The following SLC13A1 variants were observed in gnomAD, a reference collection of about 807,000 sequenced individuals.
SLC13A1 encodes Na(+)/sulfate cotransporter.
SLC13A1 carries 65 observed loss-of-function variants against 70.0 expected under a neutral mutation model. That is an observed-to-expected ratio of 0.93 (90% confidence interval 0.76 to 1.14). The LOEUF is 1.14. Among genes scored for constraint, SLC13A1 ranks in the 50% most tolerant of loss-of-function variants. The pLI, the probability that SLC13A1 is intolerant of heterozygous loss-of-function variation, is 0.00. For synonymous variants in SLC13A1, 275 were observed against 250.5 expected (o/e 1.10, Z -0.92); for missense variants, 726 against 717.8 (o/e 1.01, Z -0.13).
intron 10 of SLC13A1, among the ~76,000 whole-genome samples, chr7:123,126,695 A>G (rs1793573355): frequency 6.6e-6 from 1 of 152,084 alleles, no homozygotes; most frequent in South Asian, 2.1e-4. Context: ...GTATAGACAC[A>G]TTTTCTTTCA....
intron 6 of SLC13A1, among the ~76,000 whole-genome samples, chr7:123,163,679 C>A (rs1794984818): frequency 6.6e-6 from 1 of 152,024 alleles, no homozygotes; most frequent in South Asian, 2.1e-4. Context: ...CCAGTCTGAT[C>A]CATAGTGTTG....
intron 6 of SLC13A1, among the ~76,000 whole-genome samples, chr7:123,148,242 A>C (rs1399785699): frequency 6.6e-6 from 1 of 152,056 alleles, no homozygotes; most frequent in East Asian, 1.9e-4. Flanking sequence ...TAACATTTGC[A>C]CTCAGCACTT....
At chr7:123,123,035 G>T in intron 12 of SLC13A1, 91 bp downstream of exon 12, 1 of 1,036,068 alleles carries the variant, frequency 9.7e-7, no homozygotes, top group Non-Finnish European at 1.5e-6. Flanking sequence ...ATGACAGAGT[G>T]AAATTGAATA....
At chr7:123,183,286 C>T (rs1795696493) in intron 1 of SLC13A1, among the ~76,000 whole-genome samples, 1 of 152,096 alleles carries the variant, frequency 6.6e-6, no homozygotes, top group African/African-American at 2.4e-5. Context: ...TACAAATCAG[C>T]AGATTTAATG....
rs139926654 is a variant in SLC13A1 at position 123,181,540 on chromosome 7, T to C, written c.100-439A>G. 8.3e-3 allele frequency among the ~76,000 whole-genome samples: 1,267 copies of C among 152,188 alleles called. 19 individuals carry two copies. The highest frequency in any genetic ancestry group is 0.028 in the African/African-American group (1,176 of 41,528). On this transcript the variant is annotated intron_variant, in intron 1 of 14. Coordinates refer to ENST00000194130, the MANE Select transcript of SLC13A1 (RefSeq NM_022444.4). ...CCTTGGTGCCTGGTTGAGTGGGACCTAAGCACTCCTGCCTTCCTCTCCTTC... is the reference window on the plus strand; with the variant it reads ...CCTTGGTGCCTGGTTGAGTGGGACCCAAGCACTCCTGCCTTCCTCTCCTTC...
At chr7:123,132,092 G>A (rs142587357) in intron 8 of SLC13A1, among the ~76,000 whole-genome samples, 4 of 152,288 alleles carry the variant, frequency 2.6e-5, no homozygotes, top group African/African-American at 9.6e-5. Flanking sequence ...GGGGCACTTA[G>A]TATGCAGCTG....
chr7:123,128,752 T>G, intron 10 of SLC13A1, 93 bp downstream of exon 10: 1 of 762,578 alleles, frequency 1.3e-6, no homozygotes, highest in South Asian at 1.7e-5. Flanking sequence ...AAGAAAAATA[T>G]CTCATCCAAT....
At chr7:123,151,801 A>G (rs1476720623) in intron 6 of SLC13A1, among the ~76,000 whole-genome samples, 1 of 151,970 alleles carries the variant, frequency 6.6e-6, no homozygotes, top group Non-Finnish European at 1.5e-5. Context: ...CCTCCTCAAA[A>G]ACATTATCTT....
intron 8 of SLC13A1, 21 bp downstream of exon 8, chr7:123,134,389 T>A (rs1585308045): frequency 1.2e-6 from 2 of 1,609,596 alleles, no homozygotes; most frequent in Non-Finnish European, 8.5e-7. Context: ...TTTAGCCTAT[T>A]AACATGAAAT....
intron 2 of SLC13A1, among the ~76,000 whole-genome samples, chr7:123,176,123 G>A (rs1795438788): frequency 6.6e-6 from 1 of 152,188 alleles, no homozygotes; most frequent in South Asian, 2.1e-4. Context: ...CAGTTTGCCA[G>A]TTTTCTCAAT....
intron 1 of SLC13A1, among the ~76,000 whole-genome samples, chr7:123,182,563 A>G (rs1795672864): frequency 6.6e-6 from 1 of 152,286 alleles, no homozygotes; most frequent in Middle Eastern, 3.4e-3. Flanking sequence ...ACAGAAAGCC[A>G]GATACAGGTC....
intron 7 of SLC13A1, among the ~76,000 whole-genome samples, chr7:123,144,003 G>A (rs181520625): frequency 1.3e-5 from 2 of 152,302 alleles, no homozygotes; most frequent in Admixed American, 1.3e-4. Flanking sequence ...AAGATAAACA[G>A]AAGGCAAGAT....
chr7:123,138,922 G>A (rs1794041944), intron 7 of SLC13A1, among the ~76,000 whole-genome samples: 1 of 152,042 alleles, frequency 6.6e-6, no homozygotes, highest in Non-Finnish European at 1.5e-5. Flanking sequence ...TTAACTTGAT[G>A]TGATGCTATT....
chr7:123,150,745 T>TA (rs1405805913), intron 6 of SLC13A1, among the ~76,000 whole-genome samples: 12 of 152,074 alleles, frequency 7.9e-5, no homozygotes, highest in Admixed American at 7.2e-4. Flanking sequence ...CTCTTCTTTT[T>TA]ACTGAAAAAA....
At chr7:123,134,383 G>C (rs1346995757) in intron 8 of SLC13A1, 27 bp downstream of exon 8, 1 of 1,606,958 alleles carries the variant, frequency 6.2e-7, no homozygotes, top group East Asian at 2.2e-5. Context: ...CCTTTATTTA[G>C]CCTATTAACA....
rs1794380637 is a variant in SLC13A1, at chr7:123,147,151, T to C, written c.812+8A>G. 14 of 1,612,286 alleles carry C rather than the reference T, an allele frequency of 8.7e-6. No individual in the cohort carries two copies. The highest frequency in any genetic ancestry group is 1.2e-5 in the Non-Finnish European group (14 of 1,179,290). ...ATGTTAAATCACCAATCCAATAAGG[T>C]TACTTACGTATTGAAATACTCTGCA... On this transcript the variant is annotated splice_region_variant and intron_variant, in intron 7 of 14. Transcript: ENST00000194130.
At chr7:123,166,732 T>C (rs1222110429) in intron 6 of SLC13A1, among the ~76,000 whole-genome samples, 2 of 152,170 alleles carry the variant, frequency 1.3e-5, no homozygotes, top group Non-Finnish European at 2.9e-5. Flanking sequence ...ACTCATTTTT[T>C]ATGGCTGCAT....
chr7:123,119,163 G>T lies in SLC13A1; in HGVS notation c.1430C>A (p.Ser477Tyr), dbSNP rs1264094928. The T allele has an allele frequency of 6.2e-7, 1 of 1,612,516 alleles. No homozygotes were observed. The highest frequency in any genetic ancestry group is 1.3e-5 in the African/African-American group (1 of 74,964). Reference sequence around the variant, plus strand: ...AGTTAAAGATGTCACCATCAAAGAAGATATCAGAATTATTAGCCATGCTGG... The same window carrying T: ...AGTTAAAGATGTCACCATCAAAGAATATATCAGAATTATTAGCCATGCTGG... ...SLPAWLIILI[S>Y]SLMVTSLTEV... The change falls in exon 13 of 15, where the codon TCT (serine) becomes TAT (tyrosine). Residue 477 changes from serine (S) to tyrosine (Y), a missense_variant. By Grantham distance (144) the Ser-to-Tyr change is moderately radical. Transcript: ENST00000194130.
chr7:123,174,759 G>T (rs1254046101), intron 2 of SLC13A1, among the ~76,000 whole-genome samples: 3 of 151,816 alleles, frequency 2.0e-5, no homozygotes, highest in Non-Finnish European at 2.9e-5. Flanking sequence ...TCATCATCTG[G>T]TCCCATTTCA....
Sources: gnomAD v4.1 joint callset for allele counts (sites outside exome capture counted in the v4.1 genomes callset) on GRCh38, gnomAD v4.1.1 for gene constraint, MANE v1.5 for transcripts, NCBI Gene and HGNC (gene_info 2026-07-23, HGNC 2026-07-21) for gene names.